Variants in PCDHGA11 observed in about 807,000 individuals in gnomAD.
The protein encoded by PCDHGA11 is protocadherin gamma subfamily A, 11.
A neutral mutation model predicts 60.4 loss-of-function variants in PCDHGA11; 39 were observed. The ratio of observed to expected loss-of-function variants is 0.65; its 90% CI spans 0.50 to 0.84. PCDHGA11 has a LOEUF of 0.84. PCDHGA11 is among the 40% of genes least tolerant of loss of function. The pLI is 0.00. For synonymous variants in PCDHGA11, 533 were observed against 510.3 expected (o/e 1.04, Z -0.60); for missense variants, 1,165 against 1,197.7 (o/e 0.97, Z 0.40).
rs2099425622 is a variant in PCDHGA11, at chr5:141,477,947, T to C, written c.2434-16860T>C. Reference sequence around the variant, plus strand: ...CAATGCCTGGCTCTCCTACAGTCTCTTGGGATCCCCTAACCAGAGCCTTTT... The same window carrying C: ...CAATGCCTGGCTCTCCTACAGTCTCCTGGGATCCCCTAACCAGAGCCTTTT... On this transcript the variant is annotated intron_variant, in intron 1 of 3. Coordinates refer to ENST00000398587, the MANE Select transcript of PCDHGA11 (RefSeq NM_018914.3). The surrounding 1 kb of genome is among the most constrained non-coding windows in gnomAD (Gnocchi z 4.9). 1.9e-6 allele frequency: 3 copies of C among 1,614,132 alleles called. No homozygotes were observed. Among genetic ancestry groups the C allele is most frequent in the Non-Finnish European group, 2.5e-6 (3 of 1,180,018 alleles).
At position 141,421,642 on chromosome 5, in the gene PCDHGA11, G is replaced by A; in HGVS notation, c.415G>A (p.Val139Met). The A allele has an allele frequency of 6.2e-7, 1 of 1,613,850 alleles. No homozygotes were observed. Among genetic ancestry groups the A allele is most frequent in the South Asian group, 1.1e-5 (1 of 91,070 alleles). Residue 139 changes from valine (V) to methionine (M), a missense_variant, in exon 1 of 4, where the codon GTG becomes ATG. Physicochemically the swap from Val to Met is conservative, Grantham distance 21. Coordinates refer to ENST00000398587, the MANE Select transcript of PCDHGA11 (RefSeq NM_018914.3). Reference sequence around the variant, plus strand: ...CGCCCCCAGCTTCCAGGAGGACGAAGTGGAGATAAAAGTCAGTGAGCACGC... The same window carrying A: ...CGCCCCCAGCTTCCAGGAGGACGAAATGGAGATAAAAGTCAGTGAGCACGC... ...DNAPSFQEDE[V>M]EIKVSEHAIP...
intron 2 of PCDHGA11, among the ~76,000 whole-genome samples, chr5:141,500,112 C>G (rs2099796438): frequency 6.8e-6 from 1 of 147,138 alleles, no homozygotes; most frequent in Non-Finnish European, 1.5e-5. Context: ...TGTTGAATCC[C>G]TGCCTTTTCA....
chr5:141,494,048 G>C (rs764072099), intron 1 of PCDHGA11, among the ~76,000 whole-genome samples: 3 of 152,148 alleles, frequency 2.0e-5, no homozygotes, highest in Non-Finnish European at 2.9e-5. Flanking sequence ...GGCCCTGCTT[G>C]GAGGCTGTGG....
At chr5:141,464,931 G>T (rs2099093694) in intron 1 of PCDHGA11, among the ~76,000 whole-genome samples, 1 of 151,942 alleles carries the variant, frequency 6.6e-6, no homozygotes, top group Non-Finnish European at 1.5e-5. Context: ...GTAGAGATGT[G>T]AGGTCTCACT....
rs1218675162 is a variant in PCDHGA11 at position 141,421,902 on chromosome 5, C to A, written c.675C>A (p.Gly225=). The part of the protein sequence containing the change: ...ALDGGDPIRK[G]AVPIRVVVLD... ...ATGGAGGCGATCCCATCCGAAAGGG[C>A]GCAGTTCCCATTCGTGTGGTGGTCC... is the stretch of plus-strand genomic sequence containing the variant. The change falls in exon 1 of 4, where the codon GGC becomes GGA. Residue 225 remains glycine, a synonymous_variant. Coordinates refer to ENST00000398587, the MANE Select transcript of PCDHGA11 (RefSeq NM_018914.3). 6.2e-7 allele frequency: 1 copy of A among 1,613,706 alleles called. No individual in the cohort carries two copies. The highest frequency in any genetic ancestry group is 2.2e-5 in the East Asian group (1 of 44,882).
Position 141,476,242 on chromosome 5 carries a change from G to T in PCDHGA11, c.2434-18565G>T. ...ACTATGAGATCCCGGAGGAAAGAGA[G>T]AAGGGTTTCGCTGTGGGCAACGTGG... is the stretch of plus-strand genomic sequence containing the variant. On this transcript the variant is annotated intron_variant, in intron 1 of 3. Coordinates refer to ENST00000398587, the MANE Select transcript of PCDHGA11 (RefSeq NM_018914.3). The surrounding 1 kb of genome is among the most constrained non-coding windows in gnomAD (Gnocchi z 7.6). 6.2e-7 allele frequency: 1 copy of T among 1,614,100 alleles called. No individual in the cohort carries two copies.
intron 1 of PCDHGA11, among the ~76,000 whole-genome samples, chr5:141,482,782 G>T (rs775083331): frequency 1.6e-4 from 25 of 152,154 alleles, no homozygotes; most frequent in Non-Finnish European, 3.2e-4. Context: ...ACCTTAAACT[G>T]TGTGTGTGGC....
intron 1 of PCDHGA11, chr5:141,433,018 T>C: frequency 6.2e-7 from 1 of 1,614,120 alleles, no homozygotes. Flanking sequence ...TGCAGACCTA[T>C]TCCCACGAGG....
At chr5:141,474,557 G>T (rs1261720500) in intron 1 of PCDHGA11, among the ~76,000 whole-genome samples, 2 of 152,184 alleles carry the variant, frequency 1.3e-5, no homozygotes, top group Admixed American at 1.3e-4. Context: ...AAAACTGGGG[G>T]TTTTCAGAGA....
Position 141,491,034 on chromosome 5 carries a change from T to G in PCDHGA11, c.2434-3773T>G, listed in dbSNP as rs375902824. 1 of 1,614,170 alleles carries G rather than the reference T, an allele frequency of 6.2e-7. No homozygotes were observed. The highest frequency in any genetic ancestry group is 8.5e-7 in the Non-Finnish European group (1 of 1,180,024). On this transcript the variant is annotated intron_variant, in intron 1 of 3. Coordinates refer to ENST00000398587, the MANE Select transcript of PCDHGA11 (RefSeq NM_018914.3). The surrounding 1 kb of genome is among the most constrained non-coding windows in gnomAD (Gnocchi z 6.9). ...CCAAGGTGACAGCCGTGGATGCTGATGCAGGCCACAATGCGTGGCTCTCCT... is the reference window on the plus strand; with the variant it reads ...CCAAGGTGACAGCCGTGGATGCTGAGGCAGGCCACAATGCGTGGCTCTCCT...
intron 1 of PCDHGA11, among the ~76,000 whole-genome samples, chr5:141,458,449 A>G (rs1483902182): frequency 6.6e-6 from 1 of 152,086 alleles, no homozygotes; most frequent in Non-Finnish European, 1.5e-5. Context: ...CCACATTAAC[A>G]ATTTTTAAAA....
chr5:141,424,391 C>T (rs2096818270), intron 1 of PCDHGA11: 1 of 152,106 alleles, frequency 6.6e-6, no homozygotes, highest in South Asian at 2.1e-4. Flanking sequence ...GATGTCTTTT[C>T]CATTACTATG....
chr5:141,421,854 C>T lies in PCDHGA11; in HGVS notation c.627C>T (p.His209=), dbSNP rs1402137870. 9 of 1,613,644 alleles carry T rather than the reference C, an allele frequency of 5.6e-6. No individual in the cohort carries two copies. ...TGGACCGAGAGAAAGAGGCTGCTCA[C>T]CTGCTCCTCCTCACAGCTTTAGATG... ...GSLDREKEAA[H]LLLLTALDGG... Residue 209 remains histidine, a synonymous_variant, in exon 1 of 4, where the codon CAC becomes CAT. Coordinates refer to ENST00000398587, the MANE Select transcript of PCDHGA11 (RefSeq NM_018914.3).
Position 141,489,160 on chromosome 5 carries a change from C to A in PCDHGA11, c.2434-5647C>A. 1 of 1,029,962 alleles carries A rather than the reference C, an allele frequency of 9.7e-7. No individual in the cohort carries two copies. The highest frequency in any genetic ancestry group is 1.4e-6 in the Non-Finnish European group (1 of 701,366). 63.8% of individuals were successfully genotyped at this position (1,029,962 alleles called of 1,614,324 possible). ...GGCTGGAAGGAGACATAAGAGACTT[C>A]AGCTGCTGCATTCCAAGCCCTGGGT... On this transcript the variant is annotated intron_variant, in intron 1 of 3. Coordinates refer to ENST00000398587, the MANE Select transcript of PCDHGA11 (RefSeq NM_018914.3). The surrounding 1 kb of genome is among the most constrained non-coding windows in gnomAD (Gnocchi z 4.5).
At chr5:141,428,147 G>C (rs771536400) in intron 1 of PCDHGA11, 1 of 1,589,612 alleles carries the variant, frequency 6.3e-7, no homozygotes, top group Admixed American at 1.7e-5. Flanking sequence ...GGCTGCACAC[G>C]GGAACCTGCT....
chr5:141,500,520 T>TA (rs2099801149), intron 2 of PCDHGA11, among the ~76,000 whole-genome samples: 2 of 152,312 alleles, frequency 1.3e-5, no homozygotes, highest in Admixed American at 1.3e-4. Flanking sequence ...AGCTTCATTT[T>TA]AAAAAAATCT....
chr5:141,435,296 T>A (rs545583818), intron 1 of PCDHGA11, among the ~76,000 whole-genome samples: 44 of 152,328 alleles, frequency 2.9e-4, no homozygotes, highest in African/African-American at 9.9e-4. Context: ...AGTCATTTCA[T>A]GGTTTTAAAT....
At chr5:141,497,956 C>T (rs2099780659) in intron 2 of PCDHGA11, among the ~76,000 whole-genome samples, 1 of 152,214 alleles carries the variant, frequency 6.6e-6, no homozygotes, top group African/African-American at 2.4e-5. Flanking sequence ...TTCTGTTGGC[C>T]AGGCAGTGTT....
rs761731200 is a variant in PCDHGA11, at chr5:141,477,252, T to C, written c.2434-17555T>C. The C allele has an allele frequency of 1.2e-6, 2 of 1,614,182 alleles. No homozygotes were observed. The highest frequency in any genetic ancestry group is 8.5e-7 in the Non-Finnish European group (1 of 1,180,034). ...ATCGCTTTGCTCAGTGTGACTGACCTGGATGCTGGCGAGAACGGGCTGGTG... is the reference window on the plus strand; with the variant it reads ...ATCGCTTTGCTCAGTGTGACTGACCCGGATGCTGGCGAGAACGGGCTGGTG... On this transcript the variant is annotated intron_variant, in intron 1 of 3. Transcript: ENST00000398587. The surrounding 1 kb of genome is among the most constrained non-coding windows in gnomAD (Gnocchi z 4.9).
Sources: allele counts gnomAD v4.1 joint callset (sites outside exome capture counted in the v4.1 genomes callset), GRCh38; gene constraint gnomAD v4.1.1; non-coding constraint Gnocchi (gnomAD v3.1); transcripts MANE v1.5; gene names NCBI Gene and HGNC (gene_info 2026-07-23, HGNC 2026-07-21).